LRRC69: variants seen among roughly 807,000 people sequenced by gnomAD.
LRRC69 encodes leucine rich repeat containing 69.
Under a neutral mutation model 37.8 loss-of-function variants are expected in LRRC69, and 42 were observed. The ratio of observed to expected loss-of-function variants is 1.11; its 90% confidence interval spans 0.87 to 1.44. The LOEUF is 1.44. LRRC69 is among the 40% of genes most tolerant of loss of function. The probability of loss-of-function intolerance (pLI) is 0.00; values close to 1 mark genes in which losing one functional copy is unlikely to be tolerated. For missense variants in LRRC69, 357 were observed against 401.9 expected, an observed-to-expected ratio of 0.89 and a Z score of 0.96; for synonymous variants, 141 against 143.1, an observed-to-expected ratio of 0.99 and a Z score of 0.11.
At chr8:91,165,099 A>C (rs1470781416) in intron 5 of LRRC69, among the ~76,000 whole-genome samples, 2 of 151,624 alleles carry the variant, frequency 1.3e-5, no homozygotes, top group African/African-American at 2.4e-5. Context: ...AATTAGGAGG[A>C]ACAATTGGCA....
intron 3 of LRRC69, among the ~76,000 whole-genome samples, chr8:91,129,720 G>C (rs1176989466): frequency 5.3e-5 from 8 of 151,712 alleles, no homozygotes; most frequent in Admixed American, 5.3e-4. Flanking sequence ...TGAGAAATTT[G>C]AGCTCCCTCA....
intron 5 of LRRC69, chr8:91,157,415 C>T: frequency 2.5e-6 from 4 of 1,607,552 alleles, no homozygotes; most frequent in Non-Finnish European, 3.4e-6. Flanking sequence ...GCTGTGGATC[C>T]CACTAAAGAT....
At chr8:91,163,210 C>T (rs1477951782) in intron 5 of LRRC69, among the ~76,000 whole-genome samples, 1 of 151,314 alleles carries the variant, frequency 6.6e-6, no homozygotes, top group Non-Finnish European at 1.5e-5. Context: ...TTCTTTATGG[C>T]ACTTACCACT....
At chr8:91,195,800 T>C (rs1809587454) in intron 6 of LRRC69, among the ~76,000 whole-genome samples, 1 of 151,314 alleles carries the variant, frequency 6.6e-6, no homozygotes, top group Admixed American at 6.6e-5. Flanking sequence ...CTTTATCCAA[T>C]TTGCCAGTCT....
chr8:91,150,525 G>A (rs1235358712), intron 5 of LRRC69, among the ~76,000 whole-genome samples: 4 of 151,902 alleles, frequency 2.6e-5, no homozygotes, highest in African/African-American at 9.7e-5. Context: ...ATGTTCATCA[G>A]GGATATTGGT....
intron 3 of LRRC69, among the ~76,000 whole-genome samples, chr8:91,131,243 T>G (rs1182593668): frequency 3.3e-5 from 5 of 150,570 alleles, no homozygotes. Context: ...GTCTTTTTTT[T>G]TTTTTGTTTT....
intron 7 of LRRC69, among the ~76,000 whole-genome samples, chr8:91,210,548 CACACACACACACAG>C (rs1809891375): frequency 8.7e-6 from 1 of 114,856 alleles, no homozygotes; most frequent in African/African-American, 3.3e-5. Context: ...TAAACACAGA[CACACACACACACAG>C]ACACACACAC....
At chr8:91,180,604 TAA>T (rs1421577132) in intron 5 of LRRC69, among the ~76,000 whole-genome samples, 6 of 152,188 alleles carry the variant, frequency 3.9e-5, no homozygotes, top group Admixed American at 2.6e-4. Flanking sequence ...GGATATATCT[TAA>T]AGTTACCACA....
intron 6 of LRRC69, among the ~76,000 whole-genome samples, chr8:91,190,790 C>T (rs888087349): frequency 2.0e-5 from 3 of 152,278 alleles, no homozygotes; most frequent in African/African-American, 4.8e-5. Flanking sequence ...CACAGTGTCT[C>T]ATGCCTGAGG....
At chr8:91,191,540 A>T (rs1809496333) in intron 6 of LRRC69, among the ~76,000 whole-genome samples, 2 of 152,314 alleles carry the variant, frequency 1.3e-5, no homozygotes, top group South Asian at 4.1e-4. Context: ...AACTTATCTG[A>T]GGTCACAGAG....
Position 91,196,241 on chromosome 8 carries a change from A to T in LRRC69, c.754-4372A>T, listed in dbSNP as rs200624829. ...TGTTAGTCTGATGGGCTTCCCTTTGAGGGTAACCCGACCTTTCTCTCTGGC... is the reference window on the plus strand; with the variant it reads ...TGTTAGTCTGATGGGCTTCCCTTTGTGGGTAACCCGACCTTTCTCTCTGGC... On this transcript the variant is annotated intron_variant, in intron 6 of 7. Transcript: ENST00000448384. Among the ~76,000 whole-genome samples, 65 of 151,758 alleles carry T rather than the reference A, an allele frequency of 4.3e-4. 1 individual carries two copies. Among genetic ancestry groups the T allele is most frequent in the Middle Eastern group, 3.4e-3 (1 of 294 alleles).
At chr8:91,206,818 G>A in intron 7 of LRRC69, 1 of 1,288,908 alleles carries the variant, frequency 7.8e-7, no homozygotes, top group Non-Finnish European at 1.0e-6. Context: ...CATGACACCA[G>A]TAAGAAATCC....
chr8:91,184,903 A>G (rs1230168376), intron 5 of LRRC69, among the ~76,000 whole-genome samples: 1 of 152,200 alleles, frequency 6.6e-6, no homozygotes, highest in Non-Finnish European at 1.5e-5. Context: ...GATAGTGCAG[A>G]ATCCAAATCA....
intron 5 of LRRC69, among the ~76,000 whole-genome samples, chr8:91,179,204 T>C (rs1809283957): frequency 6.6e-6 from 1 of 152,210 alleles, no homozygotes; most frequent in Non-Finnish European, 1.5e-5. Flanking sequence ...TTTTATTGAC[T>C]TGCAGTTCAG....
chr8:91,174,515 C>G (rs1433481993), intron 5 of LRRC69, among the ~76,000 whole-genome samples: 1 of 152,192 alleles, frequency 6.6e-6, no homozygotes, highest in Non-Finnish European at 1.5e-5. Flanking sequence ...TCTGACCACT[C>G]AAGTTTTAAT....
chr8:91,157,990 A>C, intron 5 of LRRC69: 3 of 1,354,284 alleles, frequency 2.2e-6, no homozygotes, highest in Non-Finnish European at 3.2e-6. Flanking sequence ...AACATCTGGG[A>C]ATTCTAGGTC....
In LRRC69 at chr8:91,158,295, T is replaced by C; in HGVS notation, c.651+22556T>C. On this transcript the variant is annotated intron_variant, in intron 5 of 7. Coordinates refer to ENST00000448384, the Ensembl canonical transcript of LRRC69. The stretch of plus-strand genomic sequence containing the variant: ...TGTCGAAGACATTACTTGAAAGTAT[T>C]CAATCCCAGAAAGAAACTGGAATTT... 2.7e-6 allele frequency: 4 copies of C among 1,503,938 alleles called. No homozygotes were observed. In the South Asian group the frequency reaches 3.4e-5, roughly 13 times the overall value. 93.2% of individuals were successfully genotyped at this position (1,503,938 alleles called of 1,614,324 possible).
chr8:91,105,576 G>T (rs1380030484), intron 1 of LRRC69, among the ~76,000 whole-genome samples: 4 of 150,052 alleles, frequency 2.7e-5, no homozygotes, highest in Non-Finnish European at 1.5e-5. Context: ...CCAGAGGATT[G>T]CCTGAGCCCG....
chr8:91,185,466 C>T (rs1809392999), intron 5 of LRRC69, among the ~76,000 whole-genome samples: 2 of 152,076 alleles, frequency 1.3e-5, no homozygotes, highest in Non-Finnish European at 2.9e-5. Flanking sequence ...AGGATCTTCT[C>T]TTGGGAGAAG....
Sources: gnomAD v4.1 joint callset for allele counts (sites outside exome capture counted in the v4.1 genomes callset) on GRCh38, gnomAD v4.1.1 for gene constraint, MANE v1.5 for transcripts, NCBI Gene and HGNC (gene_info 2026-07-23, HGNC 2026-07-21) for gene names.